PLA2G4A: variants seen among roughly 807,000 people sequenced by gnomAD.
The protein encoded by PLA2G4A is cytosolic phospholipase A2.
A neutral mutation model predicts 81.9 loss-of-function variants in PLA2G4A; 40 were observed. The ratio of observed to expected loss-of-function variants is 0.49; its 90% CI spans 0.38 to 0.64. PLA2G4A has a LOEUF of 0.64. Ranked by LOEUF, PLA2G4A falls within the 30% of genes least tolerant of loss-of-function variation. PLA2G4A has a pLI of 0.00. For missense variants in PLA2G4A, 715 were observed against 905.1 expected (o/e 0.79, Z 2.69); for synonymous variants, 302 against 296.9 (o/e 1.02, Z -0.18).
chr1:186,864,107 C>G lies in PLA2G4A; in HGVS notation c.34-6328C>G, dbSNP rs542250958. 4.6e-5 allele frequency among the ~76,000 whole-genome samples: 7 copies of G among 152,184 alleles called. No individual in the cohort carries two copies. In the East Asian group the frequency reaches 1.3e-3, roughly 29 times the overall value. Reference sequence around the variant, plus strand: ...TAGCATAATGTCCTCCAGGTTCATCCCTGTTGGAACAAATGACAGGATTTC... The same window carrying G: ...TAGCATAATGTCCTCCAGGTTCATCGCTGTTGGAACAAATGACAGGATTTC... On this transcript the variant is annotated intron_variant, in intron 2 of 17. Transcript: ENST00000367466.
rs181740111 is a variant in PLA2G4A at position 186,866,686 on chromosome 1, T to C, written c.34-3749T>C. Among the ~76,000 whole-genome samples, 575 of 152,264 alleles carry C rather than the reference T, an allele frequency of 3.8e-3. 7 individuals carry two copies. Among genetic ancestry groups the C allele is most frequent in the African/African-American group, 0.013 (544 of 41,554 alleles). On this transcript the variant is annotated intron_variant, in intron 2 of 17. Coordinates refer to ENST00000367466, the MANE Select transcript of PLA2G4A (RefSeq NM_024420.3). ...AAAATATTGCTCATAGTTTTTATGA[T>C]ACAAGGAAGGTTCCTAGGTATTTGA...
At chr1:186,880,946 C>CTTTGTGTTGT (rs1653708209) in intron 3 of PLA2G4A, among the ~76,000 whole-genome samples, 1 of 151,996 alleles carries the variant, frequency 6.6e-6, no homozygotes. Context: ...ATTTAGTCTT[C>CTTTGTGTTGT]TTTGTGTTGT....
At chr1:186,974,631 A>T (rs772496172) in intron 15 of PLA2G4A, among the ~76,000 whole-genome samples, 3 of 152,260 alleles carry the variant, frequency 2.0e-5, no homozygotes, top group Non-Finnish European at 4.4e-5. Flanking sequence ...AGTGTGAAGT[A>T]TCTGAGGTGT....
chr1:186,858,883 G>T (rs144032237), intron 2 of PLA2G4A, among the ~76,000 whole-genome samples: 2,055 of 151,816 alleles, frequency 0.014, 55 homozygotes, highest in African/African-American at 0.048. Context: ...TTCTCGCTAT[G>T]TGTATATGGA....
chr1:186,963,710 TGTTA>T (rs1657036107), intron 14 of PLA2G4A, among the ~76,000 whole-genome samples: 1 of 152,260 alleles, frequency 6.6e-6, no homozygotes, highest in South Asian at 2.1e-4. Flanking sequence ...AACATTTATT[TGTTA>T]TTCAGTATTT....
intron 12 of PLA2G4A, among the ~76,000 whole-genome samples, chr1:186,949,712 G>A (rs1376411685): frequency 6.6e-6 from 1 of 151,714 alleles, no homozygotes; most frequent in Non-Finnish European, 1.5e-5. Context: ...GCTCATTCAC[G>A]CACATTTTAC....
rs528714657 is a variant in PLA2G4A, at chr1:186,854,206, A to G, written c.-69-80A>G. ...GTCCTTGGGTAGACTTTTTCTTCCTAAGACGCATACTCATAATTGTTTAAA... is the reference window on the plus strand; with the variant it reads ...GTCCTTGGGTAGACTTTTTCTTCCTGAGACGCATACTCATAATTGTTTAAA... On this transcript the variant is annotated intron_variant, in intron 1 of 17. Transcript: ENST00000367466. 28 of 616,042 alleles carry G rather than the reference A, an allele frequency of 4.5e-5. No homozygotes were observed. In the African/African-American group the frequency reaches 4.6e-4, roughly 10 times the overall value. 38.2% of individuals were successfully genotyped at this position (616,042 alleles called of 1,614,324 possible). A position where few individuals can be genotyped will look rare whatever the true frequency, so the allele number is the denominator to read the frequency against.
intron 5 of PLA2G4A, among the ~76,000 whole-genome samples, chr1:186,902,920 A>G (rs1201412069): frequency 2.0e-5 from 3 of 151,792 alleles, no homozygotes; most frequent in African/African-American, 7.3e-5. Context: ...AAGAAAAATG[A>G]TTTTACCAGT....
At chr1:186,965,343 T>C in intron 14 of PLA2G4A, 66 bp from the exon 15 acceptor site, 1 of 1,232,410 alleles carries the variant, frequency 8.1e-7, no homozygotes, top group Non-Finnish European at 1.2e-6. Flanking sequence ...AAACCAACAT[T>C]TTTAGATGAT....
At chr1:186,946,345 A>G (rs1656345481) in intron 10 of PLA2G4A, among the ~76,000 whole-genome samples, 1 of 152,168 alleles carries the variant, frequency 6.6e-6, no homozygotes, top group South Asian at 2.1e-4. Flanking sequence ...CTGTAGAATG[A>G]AAACTGGCTT....
Position 186,979,412 on chromosome 1 carries a change from A to G in PLA2G4A, c.2058A>G (p.Pro686=). The change falls in exon 17 of 18, where the codon CCA becomes CCG. Residue 686 remains proline, a synonymous_variant. Coordinates refer to ENST00000367466, the MANE Select transcript of PLA2G4A (RefSeq NM_024420.3). The part of the protein sequence containing the change: ...SPFSTFNFQY[P]NQAFKRLHDL... ...TTTCAACCTTCAATTTTCAATATCC[A>G]AATCAAGCATTCAAAAGACTACATG... The G allele has an allele frequency of 6.2e-7, 1 of 1,603,582 alleles. No individual in the cohort carries two copies. Among genetic ancestry groups the G allele is most frequent in the Non-Finnish European group, 8.5e-7 (1 of 1,170,344 alleles).
At chr1:186,938,099 G>A (rs1158329304) in intron 8 of PLA2G4A, among the ~76,000 whole-genome samples, 3 of 152,070 alleles carry the variant, frequency 2.0e-5, no homozygotes, top group Non-Finnish European at 2.9e-5. Flanking sequence ...TGTTCTGTGA[G>A]TTTCCTAAGC....
chr1:186,922,788 G>C (rs1027460431), intron 7 of PLA2G4A, among the ~76,000 whole-genome samples: 1 of 152,218 alleles, frequency 6.6e-6, no homozygotes, highest in Non-Finnish European at 1.5e-5. Flanking sequence ...AGCTCCCTGA[G>C]TGAGCAATTC....
intron 3 of PLA2G4A, 193 bp downstream of exon 3, chr1:186,870,709 T>C: frequency 6.7e-7 from 1 of 1,491,270 alleles, no homozygotes; most frequent in Non-Finnish European, 9.1e-7. Context: ...GGCCTTAAAT[T>C]AGCCAAAGTG....
intron 3 of PLA2G4A, among the ~76,000 whole-genome samples, chr1:186,890,353 G>T (rs569682196): frequency 6.6e-6 from 1 of 152,230 alleles, no homozygotes; most frequent in South Asian, 2.1e-4. Flanking sequence ...AGTATAGTGT[G>T]TCCAGTGCTG....
chr1:186,971,523 A>G (rs920437766), intron 15 of PLA2G4A, among the ~76,000 whole-genome samples: 7 of 151,990 alleles, frequency 4.6e-5, no homozygotes, highest in African/African-American at 1.4e-4. Context: ...TCTGACACTT[A>G]ATATAAAGTA....
intron 7 of PLA2G4A, among the ~76,000 whole-genome samples, chr1:186,917,963 G>A (rs1230151382): frequency 2.0e-5 from 3 of 152,222 alleles, no homozygotes; most frequent in African/African-American, 7.2e-5. Flanking sequence ...AATTCTTCAA[G>A]TGACTCTTGC....
chr1:186,846,047 C>T (rs2102014620), intron 1 of PLA2G4A, among the ~76,000 whole-genome samples: 1 of 152,264 alleles, frequency 6.6e-6, no homozygotes, highest in East Asian at 1.9e-4. Context: ...AATAGAAACC[C>T]TGCTATTTTA....
intron 15 of PLA2G4A, among the ~76,000 whole-genome samples, chr1:186,972,646 C>T (rs1657396925): frequency 6.6e-6 from 1 of 151,976 alleles, no homozygotes; most frequent in African/African-American, 2.4e-5. Context: ...TTTCAGTGCT[C>T]ATTTAAATGC....
Sources: allele counts gnomAD v4.1 joint callset (sites outside exome capture counted in the v4.1 genomes callset), GRCh38; gene constraint gnomAD v4.1.1; transcripts MANE v1.5; gene names NCBI Gene and HGNC (gene_info 2026-07-23, HGNC 2026-07-21).